The following CNOT6L variants were observed in gnomAD, a reference collection of about 807,000 sequenced individuals.
CNOT6L encodes the protein CCR4-NOT transcription complex subunit 6 like.
In CNOT6L, 7 loss-of-function variants were observed where a neutral mutation model predicts 64.0. That is an observed-to-expected ratio of 0.11 (90% CI 0.06 to 0.21). The LOEUF is 0.21. Ranked by LOEUF, CNOT6L falls within the 10% of genes least tolerant of loss-of-function variation. The pLI, the probability that CNOT6L is intolerant of heterozygous loss-of-function variation, is 1.00. For synonymous variants in CNOT6L, 193 were observed against 243.4 expected (o/e 0.79, Z 1.93); for missense variants, 245 against 669.0 (o/e 0.37, Z 6.99).
At position 77,796,967 on chromosome 4, in the gene CNOT6L, T is replaced by C. The variant is rs114670732; in HGVS notation, c.6-20575A>G. 4.6e-3 allele frequency among the ~76,000 whole-genome samples: 703 copies of C among 151,628 alleles called. 9 individuals carry two copies. Among genetic ancestry groups the C allele is most frequent in the African/African-American group, 0.016 (679 of 41,350 alleles). ...GGGCATGGTGGTGTCCCTGTGGTCT[T>C]AACTACTTGGGAGGCTGGGATGAGA... On this transcript the variant is annotated intron_variant, in intron 1 of 11. Coordinates refer to ENST00000504123, the MANE Select transcript of CNOT6L (RefSeq NM_144571.3).
Position 77,742,173 on chromosome 4 carries a change from T to C in CNOT6L, c.840A>G (p.Val280=). The change falls in exon 8 of 12, where the codon GTA becomes GTG. Residue 280 remains valine, a synonymous_variant. Coordinates refer to ENST00000504123, the MANE Select transcript of CNOT6L (RefSeq NM_144571.3). ...KIMSEQERKH[V]DGCAIFFKTE... is the part of the protein sequence containing the mutation. ...TTTTGAAGAATATTGCACAACCATC[T>C]ACATGCTTTCTCTCCTGCTCAGACA... The C allele has an allele frequency of 6.2e-7, 1 of 1,613,602 alleles. No individual in the cohort carries two copies. Among genetic ancestry groups the C allele is most frequent in the Non-Finnish European group, 8.5e-7 (1 of 1,179,648 alleles).
intron 6 of CNOT6L, among the ~76,000 whole-genome samples, chr4:77,745,532 A>C (rs1232299884): frequency 1.3e-5 from 2 of 152,196 alleles, no homozygotes; most frequent in Non-Finnish European, 2.9e-5. Flanking sequence ...GAAATGCAGA[A>C]TCTGTGGCCC....
chr4:77,801,355 A>C (rs1731526233), intron 1 of CNOT6L, among the ~76,000 whole-genome samples: 1 of 152,180 alleles, frequency 6.6e-6, no homozygotes, highest in African/African-American at 2.4e-5. Flanking sequence ...TCAATCCTGC[A>C]CTCACAACGC....
chr4:77,760,030 C>T (rs1726003398), intron 4 of CNOT6L, among the ~76,000 whole-genome samples: 1 of 152,172 alleles, frequency 6.6e-6, no homozygotes. Context: ...AAACATCACA[C>T]TTCCCAATAA....
At position 77,776,536 on chromosome 4, in the gene CNOT6L, G is replaced by A. The variant is rs1728162600; in HGVS notation, c.6-144C>T. The A allele has an allele frequency of 4.9e-6, 3 of 609,020 alleles. No individual in the cohort carries two copies. The South Asian group carries it at 7.2e-5, about 15-fold the overall frequency. The allele number at this position is 609,020 out of a possible 1,614,324, so 37.7% of individuals were successfully genotyped here. ...CTACAAATTCTCACTTGCAGAAAAA[G>A]AAAACACACACATTATCTGCAGTAT... On this transcript the variant is annotated intron_variant, in intron 1 of 11. Transcript: ENST00000504123.
chr4:77,744,908 G>A (rs753088980), intron 6 of CNOT6L, 33 bp from the exon 7 acceptor site: 13 of 1,568,912 alleles, frequency 8.3e-6, no homozygotes, highest in African/African-American at 2.7e-5. Context: ...ACAGACAAAC[G>A]GGAGAAAATT....
intron 1 of CNOT6L, among the ~76,000 whole-genome samples, chr4:77,788,030 C>G (rs1425604766): frequency 6.6e-6 from 1 of 152,184 alleles, no homozygotes; most frequent in Non-Finnish European, 1.5e-5. Context: ...ATCTGAAAAT[C>G]TACTTTCTTT....
chr4:77,807,361 A>G (rs577230571), intron 1 of CNOT6L, among the ~76,000 whole-genome samples: 1 of 152,138 alleles, frequency 6.6e-6, no homozygotes, highest in East Asian at 1.9e-4. Flanking sequence ...CCCGGGCAAC[A>G]TAGCAAAATC....
chr4:77,780,015 A>G (rs1728686915), intron 1 of CNOT6L, among the ~76,000 whole-genome samples: 2 of 152,214 alleles, frequency 1.3e-5, no homozygotes, highest in Non-Finnish European at 2.9e-5. Context: ...AACATTATTA[A>G]ACCTTTCCAT....
rs188981026 is a variant in CNOT6L, at chr4:77,715,497, C to T, written c.*4934G>A. 1.6e-3 allele frequency: 238 copies of T among 152,132 alleles called. 1 individual carries two copies. Among genetic ancestry groups the T allele is most frequent in the African/African-American group, 5.5e-3 (228 of 41,526 alleles). 9.4% of individuals were successfully genotyped at this position (152,132 alleles called of 1,614,324 possible). A position where few individuals can be genotyped will look rare whatever the true frequency, so the allele number is the denominator to read the frequency against. ...TCAACATGCTTATTTTCCTTTGGTT[C>T]CAGGAAAAACCCAAGTCTAACCAAA... is the stretch of plus-strand genomic sequence containing the variant. On this transcript the variant is annotated 3_prime_UTR_variant, in exon 12 of 12. Transcript: ENST00000504123.
chr4:77,779,972 A>AGCC (rs1728681690), intron 1 of CNOT6L, among the ~76,000 whole-genome samples: 1 of 152,118 alleles, frequency 6.6e-6, no homozygotes, highest in African/African-American at 2.4e-5. Flanking sequence ...TCAATCAATC[A>AGCC]ATCAATAACA....
chr4:77,808,479 AAAGAG>A (rs1393758204), intron 1 of CNOT6L, among the ~76,000 whole-genome samples: 1 of 151,648 alleles, frequency 6.6e-6, no homozygotes, highest in Non-Finnish European at 1.5e-5. Context: ...AAAAAAAAAA[AAAGAG>A]AAGAGAAAAG....
intron 1 of CNOT6L, among the ~76,000 whole-genome samples, chr4:77,781,001 T>TA (rs987886057): frequency 6.6e-6 from 1 of 151,894 alleles, no homozygotes; most frequent in Non-Finnish European, 1.5e-5. Context: ...CATGCAGCCA[T>TA]AAAAAAGAGT....
intron 1 of CNOT6L, among the ~76,000 whole-genome samples, chr4:77,800,221 G>C (rs532557179): frequency 1.0e-3 from 156 of 152,080 alleles, no homozygotes; most frequent in Non-Finnish European, 1.7e-3. Flanking sequence ...TTACACAAAG[G>C]CCAGGTATTA....
Position 77,800,543 on chromosome 4 carries a change from T to C in CNOT6L, c.5+18761A>G, listed in dbSNP as rs974361640. Among the ~76,000 whole-genome samples, 5 of 152,268 alleles carry C rather than the reference T, an allele frequency of 3.3e-5. No homozygotes were observed. In the East Asian group the frequency reaches 7.7e-4, roughly 23 times the overall value. On this transcript the variant is annotated intron_variant, in intron 1 of 11. Coordinates refer to ENST00000504123, the MANE Select transcript of CNOT6L (RefSeq NM_144571.3). The stretch of plus-strand genomic sequence containing the variant: ...AAAAATTAAAAAAAATAAAGTCTTG[T>C]ATACAAAGTTTTGAACAATATGAAA...
Position 77,745,169 on chromosome 4 carries a change from CTT to C in CNOT6L, c.560-296_560-295del, listed in dbSNP as rs536918146. 2.3e-3 allele frequency among the ~76,000 whole-genome samples: 353 copies of C among 152,202 alleles called. 1 individual carries two copies. The highest frequency in any genetic ancestry group is 3.7e-3 in the Non-Finnish European group (251 of 67,978). ...AAATCTGCTAATTTTTTGCTTATAA[CTT>C]TGAGAAAAGCTTCTTTAAATGAGTG... On this transcript the variant is annotated intron_variant, in intron 6 of 11. Transcript: ENST00000504123.
chr4:77,785,580 T>C (rs577373046), intron 1 of CNOT6L, among the ~76,000 whole-genome samples: 9 of 152,154 alleles, frequency 5.9e-5, no homozygotes, highest in Admixed American at 5.9e-4. Flanking sequence ...AGCAATCTTA[T>C]TTTTTAAATT....
At chr4:77,734,819 T>C (rs915358217) in intron 8 of CNOT6L, among the ~76,000 whole-genome samples, 1 of 152,160 alleles carries the variant, frequency 6.6e-6, no homozygotes, top group Non-Finnish European at 1.5e-5. Flanking sequence ...ATAGATTAAA[T>C]ATCCCTGCCA....
chr4:77,728,377 T>A (rs568911907), intron 10 of CNOT6L, among the ~76,000 whole-genome samples: 1 of 152,282 alleles, frequency 6.6e-6, no homozygotes, highest in Admixed American at 6.5e-5. Context: ...TAGCTTTTGG[T>A]TGGATTTGAT....
Sources: allele counts gnomAD v4.1 joint callset (sites outside exome capture counted in the v4.1 genomes callset), GRCh38; gene constraint gnomAD v4.1.1; transcripts MANE v1.5; gene names NCBI Gene and HGNC (gene_info 2026-07-23, HGNC 2026-07-21).